LEF1: variants seen among roughly 807,000 people sequenced by gnomAD.
LEF1 encodes lymphoid enhancer-binding factor 1.
Under a neutral mutation model 51.2 loss-of-function variants are expected in LEF1, and 14 were observed. The ratio of observed to expected loss-of-function variants is 0.27; its 90% CI spans 0.18 to 0.43. The LOEUF (loss-of-function observed/expected upper bound fraction) is 0.43. Ranked by LOEUF, LEF1 falls within the 20% of genes least tolerant of loss-of-function variation. LEF1 has a pLI of 1.00. For missense variants in LEF1, 386 were observed against 512.0 expected (o/e 0.75, Z 2.37); for synonymous variants, 185 against 183.2 (o/e 1.01, Z -0.08).
At chr4:108,071,441 C>T (rs3796993) in intron 8 of LEF1, among the ~76,000 whole-genome samples, 110,311 of 152,126 alleles carry the variant, frequency 0.73, 43,241 homozygotes, top group East Asian at 0.96. Flanking sequence ...ATGGACAGCA[C>T]GGGGCATTAT....
At chr4:108,060,854 T>C (rs913135815) in intron 11 of LEF1, among the ~76,000 whole-genome samples, 2 of 152,114 alleles carry the variant, frequency 1.3e-5, no homozygotes, top group Non-Finnish European at 2.9e-5. Context: ...CAAGTCTCCA[T>C]AGGGCCTATC....
At chr4:108,070,472 T>C (rs1399908445) in intron 9 of LEF1, 191 bp downstream of exon 9, 11 of 412,258 alleles carry the variant, frequency 2.7e-5, no homozygotes, top group African/African-American at 1.5e-4. Context: ...TTAGCACCCA[T>C]AGCAAAAAAA....
Position 108,089,183 on chromosome 4 carries a change from C to T in LEF1, c.489G>A (p.Glu163=), listed in dbSNP as rs138774973. 6.2e-6 allele frequency: 10 copies of T among 1,614,056 alleles called. No individual in the cohort carries two copies. The East Asian group carries it at 2.0e-4, about 32-fold the overall frequency. Residue 163 remains glutamate, a synonymous_variant, in exon 4 of 12, where the codon GAG becomes GAA. Transcript: ENST00000265165. ...PLTPLITYSD[E]HFSPGSHPSH... ...ACGGGTGTGATCCTGGAGAAAAGTG[C>T]TCGTCACTGTAAGTGATGAGGGGGG...
At chr4:108,083,193 T>C in intron 5 of LEF1, 163 bp downstream of exon 5, 1 of 631,362 alleles carries the variant, frequency 1.6e-6, no homozygotes, top group Non-Finnish European at 2.9e-6. Context: ...CTGTATGTTT[T>C]TTAATCTTTT....
At position 108,079,258 on chromosome 4, in the gene LEF1, T is replaced by C. The variant is rs935269967; in HGVS notation, c.845+234A>G. 2.0e-5 allele frequency among the ~76,000 whole-genome samples: 3 copies of C among 152,316 alleles called. 1 individual carries two copies. In the East Asian group the frequency reaches 5.8e-4, roughly 29 times the overall value. ...CTATGTTCTGAAGATTCTTCCATTT[T>C]GGTGAGGTTCCCATGATCTTTTAGG... On this transcript the variant is annotated intron_variant, in intron 7 of 11. Coordinates refer to ENST00000265165, the MANE Select transcript of LEF1 (RefSeq NM_016269.5).
chr4:108,130,347 C>T (rs897077362), intron 3 of LEF1, among the ~76,000 whole-genome samples: 16 of 152,096 alleles, frequency 1.1e-4, no homozygotes, highest in African/African-American at 3.6e-4. Context: ...CACAAGAATG[C>T]TCTCTTATGT....
rs570922463 is a variant in LEF1, at chr4:108,151,350, T to A, written c.414+12218A>T. ...CAATTTTATTCTCACAAAACCCTAC[T>A]AAGAATCATTTCCATCTTACCTATG... On this transcript the variant is annotated intron_variant, in intron 3 of 11. Coordinates refer to ENST00000265165, the MANE Select transcript of LEF1 (RefSeq NM_016269.5). Among the ~76,000 whole-genome samples the A allele has an allele frequency of 7.9e-5, 12 of 152,282 alleles. No homozygotes were observed. The East Asian group carries it at 2.3e-3, about 29-fold the overall frequency.
At chr4:108,164,703 A>C (rs1424091347) in intron 2 of LEF1, among the ~76,000 whole-genome samples, 4 of 152,218 alleles carry the variant, frequency 2.6e-5, no homozygotes, top group African/African-American at 9.6e-5. Context: ...TTTGCAAGTG[A>C]AAATCCACTC....
At chr4:108,091,404 C>A (rs866600430) in intron 3 of LEF1, among the ~76,000 whole-genome samples, 13 of 151,284 alleles carry the variant, frequency 8.6e-5, no homozygotes, top group African/African-American at 2.9e-4. Context: ...AGTAATTCTT[C>A]TTATACCCTA....
At chr4:108,128,839 C>T (rs1203869518) in intron 3 of LEF1, among the ~76,000 whole-genome samples, 1 of 152,020 alleles carries the variant, frequency 6.6e-6, no homozygotes, top group Non-Finnish European at 1.5e-5. Flanking sequence ...AAATATATTT[C>T]CTTTGTTGTT....
chr4:108,113,382 A>C (rs764152759), intron 3 of LEF1, among the ~76,000 whole-genome samples: 2 of 152,204 alleles, frequency 1.3e-5, no homozygotes, highest in African/African-American at 2.4e-5. Context: ...ACAGGGGAGA[A>C]GGGAACACCT....
Position 108,165,088 on chromosome 4 carries a change from G to T in LEF1, c.280+9C>A. The T allele has an allele frequency of 6.2e-7, 1 of 1,613,130 alleles. No homozygotes were observed. The highest frequency in any genetic ancestry group is 8.5e-7 in the Non-Finnish European group (1 of 1,179,122). Reference sequence around the variant, plus strand: ...GCTAAAGTCAGAAGAAGTAGAATGGGTGTCTTACCGTCATCGGGGTGTTCT... The same window carrying T: ...GCTAAAGTCAGAAGAAGTAGAATGGTTGTCTTACCGTCATCGGGGTGTTCT... On this transcript the variant is annotated intron_variant, in intron 2 of 11. Transcript: ENST00000265165.
chr4:108,158,460 A>G, intron 3 of LEF1, among the ~76,000 whole-genome samples: 1 of 152,188 alleles, frequency 6.6e-6, no homozygotes, highest in Non-Finnish European at 1.5e-5. Flanking sequence ...GTCCCAGGAC[A>G]GCAGCACCTA....
chr4:108,113,176 C>T (rs1560799334), intron 3 of LEF1, among the ~76,000 whole-genome samples: 1 of 152,206 alleles, frequency 6.6e-6, no homozygotes, highest in African/African-American at 2.4e-5. Flanking sequence ...GGAAGAAATA[C>T]ATTTTGCCAG....
intron 3 of LEF1, among the ~76,000 whole-genome samples, chr4:108,096,968 G>A (rs1392417591): frequency 6.6e-6 from 1 of 152,104 alleles, no homozygotes. Context: ...ATAAAGAAAA[G>A]GGAAACTTTG....
At chr4:108,147,974 C>A (rs1244675430) in intron 3 of LEF1, among the ~76,000 whole-genome samples, 1 of 152,104 alleles carries the variant, frequency 6.6e-6, no homozygotes, top group East Asian at 1.9e-4. Flanking sequence ...ATATTGTTTG[C>A]CCAATTCAAA....
Position 108,048,764 on chromosome 4 carries a change from C to T in LEF1, c.*7-13G>A. On this transcript the variant is annotated splice_polypyrimidine_tract_variant and intron_variant, in intron 11 of 11. Transcript: ENST00000265165. ...CTTCGTTTTCCACCTCAAGAAGGAACAAATGAAATGCTATTAATATGAATT... is the reference window on the plus strand; with the variant it reads ...CTTCGTTTTCCACCTCAAGAAGGAATAAATGAAATGCTATTAATATGAATT... 1.3e-6 allele frequency: 2 copies of T among 1,587,038 alleles called. No individual in the cohort carries two copies. The highest frequency in any genetic ancestry group is 1.7e-6 in the Non-Finnish European group (2 of 1,164,424).
chr4:108,141,008 C>T (rs532447110), intron 3 of LEF1, among the ~76,000 whole-genome samples: 6 of 152,266 alleles, frequency 3.9e-5, no homozygotes, highest in Admixed American at 2.6e-4. Context: ...AAATGTTATT[C>T]TTGAACCAGA....
At chr4:108,062,070 C>T (rs1164432211) in intron 11 of LEF1, among the ~76,000 whole-genome samples, 1 of 152,134 alleles carries the variant, frequency 6.6e-6, no homozygotes, top group African/African-American at 2.4e-5. Flanking sequence ...AGATCCTGCA[C>T]ATCAACCACC....
Sources: gnomAD v4.1 joint callset for allele counts (sites outside exome capture counted in the v4.1 genomes callset) on GRCh38, gnomAD v4.1.1 for gene constraint, MANE v1.5 for transcripts, NCBI Gene and HGNC (gene_info 2026-07-23, HGNC 2026-07-21) for gene names.